TRIO: variants seen among roughly 807,000 people sequenced by gnomAD.
TRIO encodes trio Rho guanine nucleotide exchange factor, also known as triple functional domain protein.
TRIO carries 58 observed loss-of-function variants against 351.9 expected under a neutral mutation model. That is an observed-to-expected ratio of 0.16 (90% CI 0.13 to 0.21). The LOEUF is 0.21. Ranked by LOEUF, TRIO falls within the 10% of genes least tolerant of loss-of-function variation. The probability of loss-of-function intolerance (pLI) is 1.00; values close to 1 mark genes in which losing one functional copy is unlikely to be tolerated. For missense variants in TRIO, 3,201 were observed against 4,027.8 expected, an observed-to-expected ratio of 0.79 and a Z score of 5.56; for synonymous variants, 1,758 against 1,595.7, an observed-to-expected ratio of 1.10 and a Z score of -2.42.
intron 29 of TRIO, among the ~76,000 whole-genome samples, chr5:14,397,740 G>C (rs915629468): frequency 6.6e-6 from 1 of 152,170 alleles, no homozygotes; most frequent in Non-Finnish European, 1.5e-5. Flanking sequence ...AAATGCTTTT[G>C]CTAGCCTGTG....
At position 14,293,123 on chromosome 5, in the gene TRIO, A is replaced by G. The variant is rs775010431; in HGVS notation, c.1165A>G (p.Met389Val). Residue 389 changes from methionine (M) to valine (V), a missense_variant, in exon 6 of 57, where the codon ATG becomes GTG. Met to Val is a conservative substitution (Grantham distance 21, BLOSUM62 1). Transcript: ENST00000344204. Reference sequence around the variant, plus strand: ...TCAGACGCAGCACAATCACTTTGCCATGAACTGTATGGTAAGACACTCGGA... The same window carrying G: ...TCAGACGCAGCACAATCACTTTGCCGTGAACTGTATGGTAAGACACTCGGA... ...ELQTQHNHFA[M>V]NCMNVYVNIN... 5.6e-6 allele frequency: 9 copies of G among 1,614,130 alleles called. No homozygotes were observed. The highest frequency in any genetic ancestry group is 1.7e-5 in the Admixed American group (1 of 60,028).
chr5:14,145,268 C>T (rs566000899), intron 1 of TRIO, among the ~76,000 whole-genome samples: 1 of 152,346 alleles, frequency 6.6e-6, no homozygotes, highest in Non-Finnish European at 1.5e-5. Flanking sequence ...GTTAGCAGTG[C>T]TGGTAGATAC....
At chr5:14,397,422 C>A in intron 29 of TRIO, 2 of 350,348 alleles carry the variant, frequency 5.7e-6, no homozygotes, top group Non-Finnish European at 1.1e-5. Context: ...TGCTGCAGGC[C>A]ACCTGTTCTC....
intron 56 of TRIO, among the ~76,000 whole-genome samples, 159 bp downstream of exon 56, chr5:14,507,419 C>CTCT (rs34873136): frequency 4.6e-5 from 7 of 151,712 alleles, no homozygotes; most frequent in Non-Finnish European, 1.0e-4. Context: ...ATCTCTCTCT[C>CTCT]TAAGCGTTTG....
chr5:14,258,183 G>A (rs1795133518), intron 1 of TRIO, among the ~76,000 whole-genome samples: 1 of 152,228 alleles, frequency 6.6e-6, no homozygotes, highest in African/African-American at 2.4e-5. Flanking sequence ...GTGCAGCTTT[G>A]CCTGTCCCCA....
chr5:14,207,933 A>G (rs1418332205), intron 1 of TRIO, among the ~76,000 whole-genome samples: 1 of 152,212 alleles, frequency 6.6e-6, no homozygotes, highest in East Asian at 1.9e-4. Flanking sequence ...ATCATTAGTC[A>G]CTAGGAAAAT....
intron 1 of TRIO, among the ~76,000 whole-genome samples, chr5:14,215,615 G>A (rs1792169697): frequency 6.6e-6 from 1 of 152,166 alleles, no homozygotes; most frequent in Non-Finnish European, 1.5e-5. Context: ...ATTCCACAAA[G>A]TTTGAGATCT....
At chr5:14,205,604 T>G (rs1418528397) in intron 1 of TRIO, among the ~76,000 whole-genome samples, 1 of 152,226 alleles carries the variant, frequency 6.6e-6, no homozygotes, top group Non-Finnish European at 1.5e-5. Context: ...ATAACATTAA[T>G]TTTTATTATC....
chr5:14,375,388 C>T (rs1745466827), intron 19 of TRIO, among the ~76,000 whole-genome samples: 3 of 151,594 alleles, frequency 2.0e-5, no homozygotes, highest in South Asian at 4.2e-4. Context: ...TATTGTGGTC[C>T]TTTTTAGGTT....
At chr5:14,181,967 C>T (rs1400731894) in intron 1 of TRIO, among the ~76,000 whole-genome samples, 3 of 151,458 alleles carry the variant, frequency 2.0e-5, no homozygotes, top group Non-Finnish European at 2.9e-5. Context: ...TTTTTAATCT[C>T]CTTCTCCCCA....
intron 8 of TRIO, among the ~76,000 whole-genome samples, chr5:14,306,910 G>A (rs975889607): frequency 4.6e-5 from 7 of 152,170 alleles, no homozygotes; most frequent in African/African-American, 1.2e-4. Context: ...ATTGGTACCA[G>A]TATCTCAAAA....
At chr5:14,380,610 AT>A (rs1746015886) in intron 20 of TRIO, among the ~76,000 whole-genome samples, 1 of 142,132 alleles carries the variant, frequency 7.0e-6, no homozygotes, top group Admixed American at 7.3e-5. Context: ...AACTCAAACT[AT>A]TTTTTGTTTT....
intron 1 of TRIO, among the ~76,000 whole-genome samples, chr5:14,220,691 C>A (rs1057453879): frequency 1.3e-5 from 2 of 152,230 alleles, no homozygotes; most frequent in African/African-American, 2.4e-5. Context: ...TAGCCAGCCA[C>A]AGCATTCCCT....
chr5:14,253,169 A>G (rs566903216), intron 1 of TRIO, among the ~76,000 whole-genome samples: 11 of 152,348 alleles, frequency 7.2e-5, no homozygotes, highest in African/African-American at 2.6e-4. Context: ...CACTTGCCAC[A>G]TGCACCACGG....
intron 1 of TRIO, among the ~76,000 whole-genome samples, chr5:14,230,340 TTGTGTGTGTGTGTG>T (rs59717445): frequency 0.3 from 44,952 of 149,070 alleles, 6,858 homozygotes; most frequent in East Asian, 0.45. Context: ...GGCAAGATGT[TTGTGTGTGTGTGTG>T]TGTGTGTGTG....
At chr5:14,488,427 GCTACTAA>G in intron 48 of TRIO, 167 bp downstream of exon 48, 1 of 970,360 alleles carries the variant, frequency 1.0e-6, no homozygotes, top group Non-Finnish European at 1.5e-6. Context: ...GGCCCACGGC[GCTACTAA>G]CTACTCCTTG....
intron 1 of TRIO, among the ~76,000 whole-genome samples, chr5:14,263,396 G>A (rs966167608): frequency 9.2e-5 from 14 of 151,804 alleles, no homozygotes; most frequent in African/African-American, 3.4e-4. Flanking sequence ...TAGAGGAAAA[G>A]GAGTAGAATT....
chr5:14,407,658 T>C (rs2152381573), intron 33 of TRIO, among the ~76,000 whole-genome samples: 1 of 152,356 alleles, frequency 6.6e-6, no homozygotes, highest in South Asian at 2.1e-4. Flanking sequence ...CACTGTGAGC[T>C]AGATCTGATT....
intron 34 of TRIO, among the ~76,000 whole-genome samples, chr5:14,460,348 A>G (rs535167648): frequency 1.3e-5 from 2 of 152,200 alleles, no homozygotes; most frequent in African/African-American, 4.8e-5. Context: ...CGTGAACAGG[A>G]AAGAGGCTGA....
Sources: allele counts gnomAD v4.1 joint callset (sites outside exome capture counted in the v4.1 genomes callset), GRCh38; gene constraint gnomAD v4.1.1; transcripts MANE v1.5; gene names NCBI Gene and HGNC (gene_info 2026-07-23, HGNC 2026-07-21).